The following GPC5 variants were observed in gnomAD, a reference collection of about 807,000 sequenced individuals.
GPC5 encodes glypican 5.
Under a neutral mutation model 53.9 loss-of-function variants are expected in GPC5, and 47 were observed. The ratio of observed to expected loss-of-function variants is 0.87; its 90% CI spans 0.69 to 1.11. GPC5 has a LOEUF of 1.11. GPC5 is among the 50% of genes most tolerant of loss of function. The pLI, the probability that GPC5 is intolerant of heterozygous loss-of-function variation, is 0.00. For missense variants in GPC5, 748 were observed against 713.1 expected, an observed-to-expected ratio of 1.05 and a Z score of -0.56; for synonymous variants, 286 against 263.3, an observed-to-expected ratio of 1.09 and a Z score of -0.84.
intron 7 of GPC5, among the ~76,000 whole-genome samples, chr13:92,166,943 C>CAA (rs2042033039): frequency 8.9e-6 from 1 of 112,094 alleles, no homozygotes; most frequent in Non-Finnish European, 1.8e-5. Context: ...CTCTCTCTCT[C>CAA]TCTCTCTCTC....
intron 7 of GPC5, among the ~76,000 whole-genome samples, chr13:92,708,747 A>G (rs1888032421): frequency 6.6e-6 from 1 of 151,996 alleles, no homozygotes; most frequent in Admixed American, 6.6e-5. Flanking sequence ...GAGAAAGGTC[A>G]GCAAGTGCAA....
chr13:92,051,520 T>C (rs1277770926), intron 6 of GPC5, among the ~76,000 whole-genome samples: 3 of 151,960 alleles, frequency 2.0e-5, no homozygotes, highest in Admixed American at 6.6e-5. Context: ...TTCTAACCAG[T>C]TGCCATGTGA....
chr13:92,341,046 A>G (rs2139248585), intron 7 of GPC5, among the ~76,000 whole-genome samples: 1 of 152,298 alleles, frequency 6.6e-6, no homozygotes, highest in Non-Finnish European at 1.5e-5. Flanking sequence ...GGTAATAGAC[A>G]TATTTTAAGC....
At chr13:92,749,096 C>G (rs1889315090) in intron 7 of GPC5, among the ~76,000 whole-genome samples, 1 of 152,178 alleles carries the variant, frequency 6.6e-6, no homozygotes, top group South Asian at 2.1e-4. Flanking sequence ...ATACACTGAT[C>G]TACTCTGGGA....
chr13:91,581,676 T>G (rs2032365719), intron 2 of GPC5, among the ~76,000 whole-genome samples: 1 of 152,240 alleles, frequency 6.6e-6, no homozygotes, highest in Non-Finnish European at 1.5e-5. Flanking sequence ...TATGAGTCTC[T>G]TATACTCTAA....
At chr13:92,854,218 T>C (rs1326517457) in intron 7 of GPC5, among the ~76,000 whole-genome samples, 1 of 147,960 alleles carries the variant, frequency 6.8e-6, no homozygotes, top group African/African-American at 2.5e-5. Context: ...ATATATTATA[T>C]ATATGTTATT....
intron 6 of GPC5, among the ~76,000 whole-genome samples, chr13:91,981,676 T>C (rs932446283): frequency 9.9e-5 from 15 of 152,230 alleles, no homozygotes; most frequent in Non-Finnish European, 1.5e-4. Flanking sequence ...GTGCTAGATA[T>C]AATCCTTATC....
At chr13:92,332,412 G>A (rs2043294254) in intron 7 of GPC5, among the ~76,000 whole-genome samples, 1 of 152,102 alleles carries the variant, frequency 6.6e-6, no homozygotes, top group Non-Finnish European at 1.5e-5. Context: ...TTAATTGCAT[G>A]GGATTTAAAG....
At chr13:92,042,838 G>A (rs73623549) in intron 6 of GPC5, among the ~76,000 whole-genome samples, 6,575 of 152,078 alleles carry the variant, frequency 0.043, 506 homozygotes, top group African/African-American at 0.15. Context: ...TTCAAAGAAC[G>A]AAAAGAGCCA....
chr13:91,774,684 G>T (rs1292287017), intron 5 of GPC5, among the ~76,000 whole-genome samples: 1 of 151,968 alleles, frequency 6.6e-6, no homozygotes, highest in Non-Finnish European at 1.5e-5. Context: ...TCCATGCTCT[G>T]CTCCTCACAC....
intron 2 of GPC5, among the ~76,000 whole-genome samples, chr13:91,568,577 T>G (rs1464632472): frequency 6.7e-6 from 1 of 149,586 alleles, no homozygotes; most frequent in African/African-American, 2.5e-5. Context: ...AAAAAAGGCA[T>G]GAAAGTTTAG....
chr13:92,274,899 T>C (rs71447394), intron 7 of GPC5, among the ~76,000 whole-genome samples: 12,985 of 152,088 alleles, frequency 0.085, 611 homozygotes, highest in Middle Eastern at 0.12. Flanking sequence ...TTGGGACCAT[T>C]TTGGAATAAG....
intron 5 of GPC5, among the ~76,000 whole-genome samples, chr13:91,883,656 T>G (rs77899972): frequency 0.036 from 5,467 of 152,254 alleles, 134 homozygotes; most frequent in Middle Eastern, 0.065. Context: ...GGAAGAGTAT[T>G]AATAGATGAT....
chr13:91,751,727 T>C (rs1362359869), intron 4 of GPC5, among the ~76,000 whole-genome samples: 1 of 152,170 alleles, frequency 6.6e-6, no homozygotes, highest in African/African-American at 2.4e-5. Flanking sequence ...CAAAACCTTA[T>C]CTCCTTCTTT....
chr13:91,810,209 G>T (rs1316804393), intron 5 of GPC5, among the ~76,000 whole-genome samples: 1 of 151,828 alleles, frequency 6.6e-6, no homozygotes, highest in South Asian at 2.1e-4. Context: ...GCCCTAAGAT[G>T]TCATTTTTCT....
intron 7 of GPC5, among the ~76,000 whole-genome samples, chr13:92,514,839 T>G (rs1439348437): frequency 1.3e-5 from 2 of 152,174 alleles, no homozygotes; most frequent in African/African-American, 2.4e-5. Context: ...CCAAGAGTTC[T>G]TTTGTGACAA....
rs529304262 is a variant in GPC5, at chr13:92,567,968, A to T, written c.1562-298314A>T. On this transcript the variant is annotated intron_variant, in intron 7 of 7. Transcript: ENST00000377067. Reference sequence around the variant, plus strand: ...AAAGAAAGAAAAAGTGTAGAAATTGAAAAAGAAATATTCAGGTTATTGGCT... The same window carrying T: ...AAAGAAAGAAAAAGTGTAGAAATTGTAAAAGAAATATTCAGGTTATTGGCT... 2.6e-5 allele frequency among the ~76,000 whole-genome samples: 4 copies of T among 152,286 alleles called. No individual in the cohort carries two copies. In the South Asian group the frequency reaches 8.3e-4, roughly 32 times the overall value.
At chr13:92,757,038 A>G (rs1476547912) in intron 7 of GPC5, among the ~76,000 whole-genome samples, 1 of 151,748 alleles carries the variant, frequency 6.6e-6, no homozygotes, top group Admixed American at 6.6e-5. Context: ...ATCCTAAGCC[A>G]AAAGAACAAA....
chr13:92,779,549 G>T (rs1241333084), intron 7 of GPC5, among the ~76,000 whole-genome samples: 1 of 152,110 alleles, frequency 6.6e-6, no homozygotes. Flanking sequence ...TACAGATGGG[G>T]TCTTTCTAGG....
Sources: allele counts gnomAD v4.1 joint callset (sites outside exome capture counted in the v4.1 genomes callset), GRCh38; gene constraint gnomAD v4.1.1; transcripts MANE v1.5; gene names NCBI Gene and HGNC (gene_info 2026-07-23, HGNC 2026-07-21).